The following KCND2 variants were observed in gnomAD, a reference collection of about 807,000 sequenced individuals.
KCND2 encodes potassium voltage-gated channel subfamily D member 2, also known as A-type voltage-gated potassium channel KCND2.
A neutral mutation model predicts 54.4 loss-of-function variants in KCND2; 16 were observed. The ratio of observed to expected loss-of-function variants is 0.29; its 90% CI spans 0.20 to 0.45. The LOEUF (loss-of-function observed/expected upper bound fraction) is 0.45, where lower values mean the gene tolerates loss of function less well. Ranked by LOEUF, KCND2 falls within the 20% of genes least tolerant of loss-of-function variation. The pLI is 1.00. For synonymous variants in KCND2, 317 were observed against 310.7 expected (o/e 1.02, Z -0.21); for missense variants, 486 against 824.2 (o/e 0.59, Z 5.02).
chr7:120,273,065 C>A (rs1481193914), upstream of KCND2, among the ~76,000 whole-genome samples: 1 of 152,054 alleles, frequency 6.6e-6, no homozygotes, highest in Non-Finnish European at 1.5e-5. Flanking sequence ...TGCTCTCCCT[C>A]GGTGACATTT....
intron 1 of KCND2, among the ~76,000 whole-genome samples, chr7:120,678,396 C>G (rs1285487151): frequency 7.3e-6 from 1 of 137,162 alleles, no homozygotes; most frequent in African/African-American, 2.6e-5. Flanking sequence ...TATATAGACA[C>G]ATACACACAT....
At chr7:120,286,128 T>G (rs987296001) in intron 1 of KCND2, among the ~76,000 whole-genome samples, 1 of 151,960 alleles carries the variant, frequency 6.6e-6, no homozygotes, top group African/African-American at 2.4e-5. Flanking sequence ...AGAAATCACT[T>G]TATAGACCAC....
Position 120,274,819 on chromosome 7 carries a change from C to G in KCND2, c.187C>G (p.Pro63Ala), listed in dbSNP as rs750960758. The change falls in exon 1 of 6, where the codon CCA becomes GCA. Residue 63 changes from proline (P) to alanine (A), a missense_variant. Physicochemically the swap from Pro to Ala is conservative, Grantham distance 27. Around this residue, in one of 7 missense-constraint regions of KCND2, gnomAD observed 231 missense variants for 386.0 expected, o/e 0.60. Transcript: ENST00000331113. ...GTGGCAGGACACCCTGGAACGTTAC[C>G]CAGACACTCTACTGGGCAGTTCTGA... ...QTWQDTLERY[P>A]DTLLGSSERD... 1 of 1,614,114 alleles carries G rather than the reference C, an allele frequency of 6.2e-7. No individual in the cohort carries two copies. Among genetic ancestry groups the G allele is most frequent in the Non-Finnish European group, 8.5e-7 (1 of 1,180,024 alleles).
At chr7:120,341,117 G>C (rs1052780798) in intron 1 of KCND2, among the ~76,000 whole-genome samples, 1 of 152,090 alleles carries the variant, frequency 6.6e-6, no homozygotes, top group Non-Finnish European at 1.5e-5. Flanking sequence ...ACATATATGA[G>C]GCTGTGAGAC....
intron 1 of KCND2, among the ~76,000 whole-genome samples, chr7:120,585,313 G>C (rs988008326): frequency 9.2e-5 from 14 of 152,080 alleles, no homozygotes; most frequent in African/African-American, 3.4e-4. Flanking sequence ...AGAAGGGGAT[G>C]GGGGGTGGAG....
chr7:120,341,717 A>T (rs924045320), intron 1 of KCND2, among the ~76,000 whole-genome samples: 5 of 152,186 alleles, frequency 3.3e-5, no homozygotes, highest in Non-Finnish European at 7.4e-5. Context: ...AAGATGCCAA[A>T]TTTTAGGAAG....
rs533417811 is a variant in KCND2, at chr7:120,416,641, A to G, written c.1115+140894A>G. 2.6e-5 allele frequency among the ~76,000 whole-genome samples: 4 copies of G among 152,266 alleles called. No homozygotes were observed. The East Asian group carries it at 7.7e-4, about 29-fold the overall frequency. On this transcript the variant is annotated intron_variant, in intron 1 of 5. Transcript: ENST00000331113. ...TCTCACAACCAGAGAAGACAGCCACATCTTTTAAAATAAGGAAAATTATGC... is the reference window on the plus strand; with the variant it reads ...TCTCACAACCAGAGAAGACAGCCACGTCTTTTAAAATAAGGAAAATTATGC...
At chr7:120,625,304 C>T (rs1040180393) in intron 1 of KCND2, among the ~76,000 whole-genome samples, 2 of 152,158 alleles carry the variant, frequency 1.3e-5, no homozygotes, top group Non-Finnish European at 2.9e-5. Flanking sequence ...ATGTAATGGT[C>T]TCATTAAAGA....
chr7:120,324,460 T>C (rs1799943716), intron 1 of KCND2, among the ~76,000 whole-genome samples: 2 of 148,158 alleles, frequency 1.3e-5, no homozygotes, highest in African/African-American at 2.5e-5. Context: ...TTAATCCATC[T>C]TGAATTGATT....
At chr7:120,715,508 T>G (rs1792592592) in intron 1 of KCND2, among the ~76,000 whole-genome samples, 1 of 152,058 alleles carries the variant, frequency 6.6e-6, no homozygotes, top group Non-Finnish European at 1.5e-5. Context: ...GGATGTTCCG[T>G]ATATAAAGGC....
intron 1 of KCND2, among the ~76,000 whole-genome samples, chr7:120,472,520 G>A (rs562014521): frequency 5.5e-4 from 84 of 151,886 alleles, no homozygotes; most frequent in African/African-American, 2.0e-3. Context: ...TTCTTATAAA[G>A]TAGTGTTAAT....
At chr7:120,558,672 T>A (rs1294944374) in intron 1 of KCND2, among the ~76,000 whole-genome samples, 3 of 152,142 alleles carry the variant, frequency 2.0e-5, no homozygotes, top group African/African-American at 7.2e-5. Flanking sequence ...TTGAGTCAGC[T>A]GTTCCCTCTC....
At chr7:120,702,854 CA>C (rs1792420733) in intron 1 of KCND2, among the ~76,000 whole-genome samples, 1 of 152,010 alleles carries the variant, frequency 6.6e-6, no homozygotes, top group Non-Finnish European at 1.5e-5. Flanking sequence ...ACCTGAGTGA[CA>C]AAATAATCTG....
chr7:120,463,040 A>G (rs1410216622), intron 1 of KCND2, among the ~76,000 whole-genome samples: 2 of 152,118 alleles, frequency 1.3e-5, no homozygotes, highest in Admixed American at 6.6e-5. Context: ...AAAGCGTAGT[A>G]TAACATAAGC....
intron 1 of KCND2, among the ~76,000 whole-genome samples, chr7:120,500,810 A>G (rs1360391740): frequency 6.7e-6 from 1 of 149,986 alleles, no homozygotes; most frequent in Non-Finnish European, 1.5e-5. Flanking sequence ...TATTTATATT[A>G]TATATTTAAA....
intron 1 of KCND2, among the ~76,000 whole-genome samples, chr7:120,323,306 T>A (rs1799921057): frequency 6.6e-6 from 1 of 152,122 alleles, no homozygotes; most frequent in African/African-American, 2.4e-5. Context: ...ATTTATTTTT[T>A]TATTATTATA....
chr7:120,512,608 T>C (rs1803135390), intron 1 of KCND2, among the ~76,000 whole-genome samples: 1 of 152,000 alleles, frequency 6.6e-6, no homozygotes, highest in Non-Finnish European at 1.5e-5. Flanking sequence ...AAGAGAAATA[T>C]GTAGACGGGT....
intron 1 of KCND2, among the ~76,000 whole-genome samples, chr7:120,473,708 T>C (rs1259188143): frequency 6.6e-6 from 1 of 152,204 alleles, no homozygotes; most frequent in Non-Finnish European, 1.5e-5. Flanking sequence ...AATAAACTTT[T>C]AATCCAATCC....
At chr7:120,592,660 C>G (rs1249289716) in intron 1 of KCND2, among the ~76,000 whole-genome samples, 1 of 152,220 alleles carries the variant, frequency 6.6e-6, no homozygotes, top group Non-Finnish European at 1.5e-5. Context: ...CTTTCTTCAT[C>G]ATGCATCAGT....
Sources: allele counts gnomAD v4.1 joint callset (sites outside exome capture counted in the v4.1 genomes callset), GRCh38; gene constraint gnomAD v4.1.1; regional missense constraint gnomAD v4.1.1; transcripts MANE v1.5; gene names NCBI Gene and HGNC (gene_info 2026-07-23, HGNC 2026-07-21).